The following STAC2 variants were observed in gnomAD, a reference collection of about 807,000 sequenced individuals.
STAC2 encodes the protein SH3 and cysteine rich domain 2, also known as SH3 and cysteine-rich domain-containing protein 2.
STAC2 carries 36 observed loss-of-function variants against 49.0 expected under a neutral mutation model. The observed-to-expected ratio is 0.74, with a 90% CI of 0.56 to 0.97. STAC2 has a LOEUF of 0.97. STAC2 is among the 50% of genes least tolerant of loss of function. The pLI is 0.00. For synonymous variants in STAC2, 239 were observed against 214.7 expected, an observed-to-expected ratio of 1.11 and a Z score of -0.99; for missense variants, 527 against 543.8, an observed-to-expected ratio of 0.97 and a Z score of 0.31.
chr17:39,223,300 T>C (rs1257102482), intron 1 of STAC2, among the ~76,000 whole-genome samples: 2 of 152,190 alleles, frequency 1.3e-5, no homozygotes, highest in Non-Finnish European at 2.9e-5. Context: ...GGAAGGAGGC[T>C]AGCAGGGGTC....
At position 39,215,243 on chromosome 17, in the gene STAC2, C is replaced by T. The variant is rs776280371; in HGVS notation, c.587-13G>A. The T allele has an allele frequency of 1.9e-6, 3 of 1,613,372 alleles. No individual in the cohort carries two copies. The highest frequency in any genetic ancestry group is 2.5e-6 in the Non-Finnish European group (3 of 1,179,504). ...TTCCCACTGTCCCCTGCAGATTATC[C>T]ACCCTCAAGGCCTGGCTCTGCCTCA... is the stretch of plus-strand genomic sequence containing the variant. On this transcript the variant is annotated splice_polypyrimidine_tract_variant and intron_variant, in intron 4 of 10. Coordinates refer to ENST00000333461, the MANE Select transcript of STAC2 (RefSeq NM_198993.5).
At chr17:39,213,220 C>A in intron 9 of STAC2, 88 bp from the exon 10 acceptor site, 1 of 1,562,530 alleles carries the variant, frequency 6.4e-7, no homozygotes, top group Non-Finnish European at 8.6e-7. Context: ...TCCCACTCAG[C>A]ACCAATGCCA....
intron 7 of STAC2, 53 bp from the exon 8 acceptor site, chr17:39,214,383 C>CA: frequency 6.2e-7 from 1 of 1,609,590 alleles, no homozygotes; most frequent in South Asian, 1.1e-5. Context: ...TCACTCCCCC[C>CA]ACTCTCCACT....
At chr17:39,215,331 A>C in intron 4 of STAC2, 101 bp from the exon 5 acceptor site, 5 of 1,178,810 alleles carry the variant, frequency 4.2e-6, no homozygotes, top group Non-Finnish European at 6.2e-6. Flanking sequence ...CTGCCCCCTC[A>C]CCTGTCCCTC....
chr17:39,212,291 C>T lies in STAC2; in HGVS notation c.*1G>A. 4 of 1,605,992 alleles carry T rather than the reference C, an allele frequency of 2.5e-6. No individual in the cohort carries two copies. The highest frequency in any genetic ancestry group is 3.4e-6 in the Non-Finnish European group (4 of 1,175,624). ...TGTCATCTGGGTTCCCTTGGCTCCT[C>T]TCAGATCTCAGTCAGGGCGTCGACT... On this transcript the variant is annotated 3_prime_UTR_variant, in exon 11 of 11. Coordinates refer to ENST00000333461, the MANE Select transcript of STAC2 (RefSeq NM_198993.5).
chr17:39,215,627 AAC>A (rs1380908404), intron 4 of STAC2, among the ~76,000 whole-genome samples: 1 of 152,202 alleles, frequency 6.6e-6, no homozygotes, highest in African/African-American at 2.4e-5. Flanking sequence ...CTTTTGTAGA[AAC>A]ACACAAATTA....
In STAC2 at chr17:39,225,404, C is replaced by A. The variant is rs543699191; in HGVS notation, c.90+9G>T. ...GGGGCGCGGACAGGCCTTGCGCCCCCCAAGTTACCTTGGTTTCCTGGAGGG... is the reference window on the plus strand; with the variant it reads ...GGGGCGCGGACAGGCCTTGCGCCCCACAAGTTACCTTGGTTTCCTGGAGGG... On this transcript the variant is annotated intron_variant, in intron 1 of 10. Transcript: ENST00000333461. The surrounding 1 kb of genome is among the most constrained non-coding windows in gnomAD (Gnocchi z 8.2). 2 of 1,598,948 alleles carry A rather than the reference C, an allele frequency of 1.3e-6. No individual in the cohort carries two copies. Among genetic ancestry groups the A allele is most frequent in the Non-Finnish European group, 8.5e-7 (1 of 1,175,990 alleles).
In STAC2 at chr17:39,218,073, G is replaced by T. The variant is rs755558896; in HGVS notation, c.191C>A (p.Thr64Asn). The stretch of plus-strand genomic sequence containing the variant: ...GGTTGGGGGCGTCAGCAGCACCTCG[G>T]TGGGGCACTTGAGCTCAGAGCCCGA... ...LRSGSELKCP[T>N]EVLLTPPTPL... Residue 64 changes from threonine to asparagine, a missense_variant, in exon 2 of 11, where the codon ACC (threonine) becomes AAC (asparagine). Transcript: ENST00000333461. The T allele has an allele frequency of 1.2e-6, 2 of 1,612,292 alleles. No homozygotes were observed. The highest frequency in any genetic ancestry group is 3.3e-5 in the Admixed American group (2 of 59,992).
At chr17:39,213,704 TCTCA>T in intron 8 of STAC2, 146 bp from the exon 9 acceptor site, 1 of 674,442 alleles carries the variant, frequency 1.5e-6, no homozygotes, top group Non-Finnish European at 2.4e-6. Context: ...TAAGATAGAC[TCTCA>T]CTCTGTCACC....
intron 7 of STAC2, among the ~76,000 whole-genome samples, 188 bp downstream of exon 7, chr17:39,214,603 G>A (rs143430058): frequency 3.2e-4 from 48 of 152,264 alleles, no homozygotes; most frequent in Non-Finnish European, 5.7e-4. Context: ...GCAGTGGGCT[G>A]GGGGTGGGAG....
In STAC2 at chr17:39,213,005, T is replaced by C. The variant is rs748983841; in HGVS notation, c.1121A>G (p.Lys374Arg). The part of the protein sequence containing the change: ...GNKEQGYMSL[K>R]ENQICVGVGR... ...GCCTCAGGCACTCACCTGGTTCTCC[T>C]TGAGGCTCATGTAACCCTGTTCCTT... Residue 374 changes from lysine (K) to arginine (R), a missense_variant, in exon 10 of 11, where the codon AAG becomes AGG. Transcript: ENST00000333461. 3 of 1,613,962 alleles carry C rather than the reference T, an allele frequency of 1.9e-6. No homozygotes were observed. Among genetic ancestry groups the C allele is most frequent in the Non-Finnish European group, 2.5e-6 (3 of 1,180,016 alleles).
Position 39,212,851 on chromosome 17 carries a change from C to A in STAC2, c.1131+144G>T, listed in dbSNP as rs556184575. On this transcript the variant is annotated intron_variant, in intron 10 of 10. Coordinates refer to ENST00000333461, the MANE Select transcript of STAC2 (RefSeq NM_198993.5). ...AGCAGGGGCTGGTAGGAGGGCCCTGCAACCCTTTCTTTCTAACCCGCTTTC... is the reference window on the plus strand; with the variant it reads ...AGCAGGGGCTGGTAGGAGGGCCCTGAAACCCTTTCTTTCTAACCCGCTTTC... 7.3e-6 allele frequency: 10 copies of A among 1,374,964 alleles called. No homozygotes were observed. In the East Asian group the frequency reaches 2.4e-4, roughly 33 times the overall value. The allele number at this position is 1,374,964 out of a possible 1,614,324, so 85.2% of individuals were successfully genotyped here. A position where few individuals can be genotyped will look rare whatever the true frequency, so the allele number is the denominator to read the frequency against.
In STAC2 at chr17:39,215,201, C is replaced by G. The variant is rs140937359; in HGVS notation, c.616G>C (p.Glu206Gln). 3 of 1,613,916 alleles carry G rather than the reference C, an allele frequency of 1.9e-6. No homozygotes were observed. The highest frequency in any genetic ancestry group is 2.5e-6 in the Non-Finnish European group (3 of 1,180,020). Reference protein sequence around the residue: ...GDSGKVDPVYETLRYGTSLAL... With the variant: ...GDSGKVDPVYQTLRYGTSLAL... ...AGGGAGGTGCCATAGCGCAGGGTCT[C>G]GTAGACAGGGTCCACCTTCCCACTG... is the stretch of plus-strand genomic sequence containing the variant. The change falls in exon 5 of 11, where the codon GAG becomes CAG. Residue 206 changes from glutamate (E) to glutamine (Q), a missense_variant. Glu to Gln is a conservative substitution (Grantham distance 29, BLOSUM62 2). Transcript: ENST00000333461.
rs373109554 is a variant in STAC2, at chr17:39,225,455, G to A, written c.48C>T (p.Thr16=). The A allele has an allele frequency of 3.1e-6, 5 of 1,609,808 alleles. No individual in the cohort carries two copies. The African/African-American group carries it at 6.7e-5, about 22-fold the overall frequency. Residue 16 remains threonine (T), a synonymous_variant, in exon 1 of 11, where the codon ACC becomes ACT. Coordinates refer to ENST00000333461, the MANE Select transcript of STAC2 (RefSeq NM_198993.5). This position sits in a 1 kb window ranked among gnomAD's most constrained non-coding sequence, Gnocchi z 8.2. ...CGGAGACGGTCCCTGGGGGGCTGTG[G>A]GTGGCCGCGTCATCCGGTTCGTTCT... ...EKENEPDDAA[T]HSPPGTVSAL... is the part of the protein sequence containing the mutation.
chr17:39,213,570 A>C lies in STAC2; in HGVS notation c.942-12T>G. The C allele has an allele frequency of 2.5e-6, 4 of 1,613,584 alleles. No individual in the cohort carries two copies. The highest frequency in any genetic ancestry group is 3.4e-6 in the Non-Finnish European group (4 of 1,179,604). On this transcript the variant is annotated splice_polypyrimidine_tract_variant and intron_variant, in intron 8 of 10. Coordinates refer to ENST00000333461, the MANE Select transcript of STAC2 (RefSeq NM_198993.5). ...TCCGATCTCCAGGCCTGGGGAGGAC[A>C]GAGCTAGGGTTGCATATGGAGCAGG...
At chr17:39,224,857 C>T (rs1366578687) in intron 1 of STAC2, among the ~76,000 whole-genome samples, 3 of 152,120 alleles carry the variant, frequency 2.0e-5, no homozygotes, top group African/African-American at 4.8e-5. Flanking sequence ...CGTCCCCGAG[C>T]CCAACAGGGC....
chr17:39,218,819 G>T (rs959033700), intron 1 of STAC2, among the ~76,000 whole-genome samples: 1 of 152,030 alleles, frequency 6.6e-6, no homozygotes, highest in East Asian at 1.9e-4. Flanking sequence ...AGGCTGAGGC[G>T]GGAGGGAATC....
chr17:39,214,987 T>C lies in STAC2; in HGVS notation c.736A>G (p.Ser246Gly). 6.2e-7 allele frequency: 1 copy of C among 1,614,032 alleles called. No individual in the cohort carries two copies. The highest frequency in any genetic ancestry group is 8.5e-7 in the Non-Finnish European group (1 of 1,179,986). Residue 246 changes from serine (S) to glycine (G), a missense_variant, in exon 6 of 11, where the codon AGC becomes GGC. Physicochemically the swap from Ser to Gly is moderately conservative, Grantham distance 56. Transcript: ENST00000333461. ...RDELTEDGEG[S>G]IRSSEEGPGD... ...GGCCCCTCCTCAGAGCTGCGGATGC[T>C]GCCTTCCCCATCCTCGGTCAGCTCA...
At chr17:39,218,819 G>A (rs959033700) in intron 1 of STAC2, among the ~76,000 whole-genome samples, 6 of 152,030 alleles carry the variant, frequency 3.9e-5, no homozygotes, top group East Asian at 1.9e-4. Context: ...AGGCTGAGGC[G>A]GGAGGGAATC....
Sources: allele counts gnomAD v4.1 joint callset (sites outside exome capture counted in the v4.1 genomes callset), GRCh38; gene constraint gnomAD v4.1.1; non-coding constraint Gnocchi (gnomAD v3.1); transcripts MANE v1.5; gene names NCBI Gene and HGNC (gene_info 2026-07-23, HGNC 2026-07-21).